DLG2: variants seen among roughly 807,000 people sequenced by gnomAD.
The protein encoded by DLG2 is disks large homolog 2.
In DLG2, 45 loss-of-function variants were observed where a neutral mutation model predicts 132.5. That is an observed-to-expected ratio of 0.34 (90% CI 0.27 to 0.44). The LOEUF (loss-of-function observed/expected upper bound fraction) is 0.44. Among genes scored for constraint, DLG2 ranks in the 20% least tolerant of loss-of-function variants. The pLI, the probability that DLG2 is intolerant of heterozygous loss-of-function variation, is 1.00. For synonymous variants in DLG2, 424 were observed against 419.6 expected (o/e 1.01, Z -0.13); for missense variants, 1,045 against 1,196.9 (o/e 0.87, Z 1.87).
intron 3 of DLG2, among the ~76,000 whole-genome samples, chr11:85,420,792 A>C (rs902373638): frequency 2.6e-5 from 4 of 152,082 alleles, no homozygotes; most frequent in Non-Finnish European, 5.9e-5. Context: ...CCCCCCACCA[A>C]GCTCGAGCAT....
At chr11:83,778,215 T>C (rs2094665834) in intron 18 of DLG2, among the ~76,000 whole-genome samples, 1 of 152,178 alleles carries the variant, frequency 6.6e-6, no homozygotes, top group African/African-American at 2.4e-5. Flanking sequence ...AAATTCCTTA[T>C]CAAATTGAAG....
intron 21 of DLG2, among the ~76,000 whole-genome samples, chr11:83,524,534 C>T (rs977602979): frequency 4.6e-5 from 7 of 152,124 alleles, no homozygotes; most frequent in Non-Finnish European, 1.0e-4. Flanking sequence ...AAATGGATCC[C>T]TGCCCTCTGG....
chr11:84,330,933 T>G (rs1281549293), intron 7 of DLG2, among the ~76,000 whole-genome samples: 1 of 152,228 alleles, frequency 6.6e-6, no homozygotes, highest in Non-Finnish European at 1.5e-5. Context: ...TTAAGTTTGG[T>G]GTCAGCACAA....
At chr11:85,075,472 A>G (rs972920642) in intron 6 of DLG2, among the ~76,000 whole-genome samples, 6 of 151,942 alleles carry the variant, frequency 3.9e-5, no homozygotes, top group African/African-American at 1.4e-4. Context: ...GTATTCAGTC[A>G]CATATAATGT....
At chr11:83,709,946 T>C (rs1160814809) in intron 18 of DLG2, among the ~76,000 whole-genome samples, 1 of 152,188 alleles carries the variant, frequency 6.6e-6, no homozygotes, top group Non-Finnish European at 1.5e-5. Flanking sequence ...CCTCTTGCTG[T>C]CCACACTCCA....
chr11:84,231,248 T>G (rs115074777), intron 8 of DLG2, among the ~76,000 whole-genome samples: 17 of 152,318 alleles, frequency 1.1e-4, no homozygotes, highest in African/African-American at 3.8e-4. Context: ...AGCCTCAAGC[T>G]ATGATGTTAG....
chr11:83,793,079 A>T (rs541925268), intron 17 of DLG2, among the ~76,000 whole-genome samples: 1 of 152,270 alleles, frequency 6.6e-6, no homozygotes, highest in African/African-American at 2.4e-5. Flanking sequence ...TTATTTTTAC[A>T]TAAAATCCCT....
At chr11:84,616,569 G>A (rs1399970069) in intron 6 of DLG2, among the ~76,000 whole-genome samples, 3 of 152,000 alleles carry the variant, frequency 2.0e-5, no homozygotes, top group Non-Finnish European at 4.4e-5. Flanking sequence ...GTGATGATGT[G>A]ATAAAATGAA....
intron 7 of DLG2, among the ~76,000 whole-genome samples, chr11:84,497,579 C>T (rs1435854902): frequency 6.6e-6 from 1 of 152,120 alleles, no homozygotes; most frequent in Non-Finnish European, 1.5e-5. Context: ...CTGCGGAAAC[C>T]TCTGAAATAT....
intron 3 of DLG2, among the ~76,000 whole-genome samples, chr11:85,429,752 T>C (rs1466483969): frequency 2.0e-5 from 3 of 152,236 alleles, no homozygotes; most frequent in East Asian, 1.9e-4. Flanking sequence ...ACTTTTACAC[T>C]GTTGGTGGGA....
At chr11:85,145,376 G>T (rs1322235305) in intron 5 of DLG2, among the ~76,000 whole-genome samples, 1 of 151,974 alleles carries the variant, frequency 6.6e-6, no homozygotes, top group Non-Finnish European at 1.5e-5. Context: ...TCTAGGTTTG[G>T]AAATGTCTCT....
At chr11:84,836,681 T>C (rs1270285565) in intron 6 of DLG2, among the ~76,000 whole-genome samples, 1 of 151,852 alleles carries the variant, frequency 6.6e-6, no homozygotes, top group East Asian at 1.9e-4. Flanking sequence ...CTGCCTCACC[T>C]TTATACAGTG....
rs376024779 is a variant in DLG2 at position 84,293,196 on chromosome 11, T to C, written c.520-41905A>G. Among the ~76,000 whole-genome samples, 30 of 152,090 alleles carry C rather than the reference T, an allele frequency of 2.0e-4. No homozygotes were observed. The East Asian group carries it at 4.8e-3, about 24-fold the overall frequency. On this transcript the variant is annotated intron_variant, in intron 7 of 27. Transcript: ENST00000376104. ...TGTGTTGGAAGTATTCTGGCAGCTTTAGGTGGATAGATTTTGTGGTGCACT... is the reference window on the plus strand; with the variant it reads ...TGTGTTGGAAGTATTCTGGCAGCTTCAGGTGGATAGATTTTGTGGTGCACT...
At chr11:85,372,419 G>A (rs1180780244) in intron 3 of DLG2, among the ~76,000 whole-genome samples, 7 of 152,208 alleles carry the variant, frequency 4.6e-5, no homozygotes, top group African/African-American at 1.7e-4. Flanking sequence ...ATGATAAGGA[G>A]TCCATGCAAC....
rs532696114 is a variant in DLG2 at position 85,399,368 on chromosome 11, T to C, written c.41-114003A>G. Among the ~76,000 whole-genome samples, 328 of 152,240 alleles carry C rather than the reference T, an allele frequency of 2.2e-3. 1 individual carries two copies. The highest frequency in any genetic ancestry group is 7.7e-3 in the African/African-American group (318 of 41,544). ...TGGCCATACTGCCCAAGGTAATTTA[T>C]AGATTCAATGCCATCCCCATCAAGC... On this transcript the variant is annotated intron_variant, in intron 3 of 27. Coordinates refer to ENST00000376104, the MANE Select transcript of DLG2 (RefSeq NM_001142699.3).
intron 14 of DLG2, among the ~76,000 whole-genome samples, chr11:83,946,432 A>G (rs1328018542): frequency 6.6e-6 from 1 of 152,198 alleles, no homozygotes; most frequent in Non-Finnish European, 1.5e-5. Flanking sequence ...CTGGACATCC[A>G]GATTTGGTAG....
chr11:84,519,064 C>T (rs988706810), intron 7 of DLG2, among the ~76,000 whole-genome samples: 5 of 152,146 alleles, frequency 3.3e-5, no homozygotes, highest in Admixed American at 6.5e-5. Flanking sequence ...ATAAGCAACT[C>T]ACCCTGCCCT....
chr11:85,070,891 C>T (rs1323217893), intron 6 of DLG2, among the ~76,000 whole-genome samples: 2 of 151,782 alleles, frequency 1.3e-5, no homozygotes, highest in African/African-American at 2.4e-5. Context: ...GTACGTAGGT[C>T]CTTGTGAAGT....
At chr11:84,119,244 ATAAAACCT>A (rs2093786272) in intron 9 of DLG2, among the ~76,000 whole-genome samples, 1 of 152,086 alleles carries the variant, frequency 6.6e-6, no homozygotes, top group Admixed American at 6.6e-5. Flanking sequence ...CATTTTAGAG[ATAAAACCT>A]TATTACCCAA....
Sources: gnomAD v4.1 joint callset for allele counts (sites outside exome capture counted in the v4.1 genomes callset) on GRCh38, gnomAD v4.1.1 for gene constraint, MANE v1.5 for transcripts, NCBI Gene and HGNC (gene_info 2026-07-23, HGNC 2026-07-21) for gene names.